SIGIRR: variants seen among roughly 807,000 people sequenced by gnomAD.
SIGIRR encodes single Ig IL-1-related receptor.
In SIGIRR, 41 loss-of-function variants were observed where a neutral mutation model predicts 45.6. The ratio of observed to expected loss-of-function variants is 0.90; its 90% CI spans 0.70 to 1.17. The LOEUF (loss-of-function observed/expected upper bound fraction) is 1.17. Among genes scored for constraint, SIGIRR ranks in the 50% most tolerant of loss-of-function variants. The pLI, the probability that SIGIRR is intolerant of heterozygous loss-of-function variation, is 0.00. For synonymous variants in SIGIRR, 298 were observed against 239.0 expected (o/e 1.25, Z -2.28); for missense variants, 599 against 539.6 (o/e 1.11, Z -1.09).
Position 409,862 on chromosome 11 carries a change from G to A in SIGIRR, c.7+6C>T, listed in dbSNP as rs1403022245. 2 of 1,332,194 alleles carry A rather than the reference G, an allele frequency of 1.5e-6. No homozygotes were observed. The highest frequency in any genetic ancestry group is 1.9e-6 in the Non-Finnish European group (2 of 1,035,188). The allele number at this position is 1,332,194 out of a possible 1,614,324, so 82.5% of individuals were successfully genotyped here. The stretch of plus-strand genomic sequence containing the variant: ...ATTCAAGCCCATCCCTCTCTGACCT[G>A]CCTACCTGGCATGGCTCTGAGCCGG... On this transcript the variant is annotated splice_donor_region_variant and intron_variant, in intron 2 of 9. Coordinates refer to ENST00000431843, the MANE Select transcript of SIGIRR (RefSeq NM_001135054.2).
chr11:412,941 G>T (rs1847739251), intron 1 of SIGIRR, among the ~76,000 whole-genome samples: 1 of 152,136 alleles, frequency 6.6e-6, no homozygotes, highest in East Asian at 1.9e-4. Flanking sequence ...CACACCTCAA[G>T]TCTCCCAAAG....
At position 408,768 on chromosome 11, in the gene SIGIRR, G is replaced by T; in HGVS notation, c.133C>A (p.Pro45Thr). 1 of 1,612,800 alleles carries T rather than the reference G, an allele frequency of 6.2e-7. No homozygotes were observed. The highest frequency in any genetic ancestry group is 8.5e-7 in the Non-Finnish European group (1 of 1,179,994). Residue 45 changes from proline (P) to threonine (T), a missense_variant, in exon 3 of 10, where the codon CCT (proline) becomes ACT (threonine). Pro to Thr is a conservative substitution (Grantham distance 38, BLOSUM62 -1). Coordinates refer to ENST00000431843, the MANE Select transcript of SIGIRR (RefSeq NM_001135054.2). ...WVVSGPHCSLPSVQWLKDGLP... is the reference protein window; with the variant it reads ...WVVSGPHCSLTSVQWLKDGLP... ...CCGTCTTTCAGCCACTGGACTGAAG[G>T]CAGGGAGCAGTGGGGCCCAGAGACT...
Position 407,118 on chromosome 11 carries a change from G to GTC in SIGIRR, c.671_672insGA (p.Ile225ThrfsTer10). The GTC allele has an allele frequency of 2.0e-6, 3 of 1,534,462 alleles. No homozygotes were observed. Among genetic ancestry groups the GTC allele is most frequent in the East Asian group, 2.6e-5 (1 of 38,858 alleles). ...GGAAGGCGTCCGAAAGCACCACGAT[G>GTC]AGGCGTCGGCAGCGGCTCAGGTTCA... On this transcript the variant is annotated frameshift_variant, in exon 7 of 10. Coordinates refer to ENST00000431843, the MANE Select transcript of SIGIRR (RefSeq NM_001135054.2). LOFTEE classifies it high-confidence loss of function.
At chr11:409,785 G>A in intron 2 of SIGIRR, 83 bp downstream of exon 2, 1 of 1,340,916 alleles carries the variant, frequency 7.5e-7, no homozygotes. Context: ...TGGGATAAGA[G>A]CAGGATGCAC....
chr11:411,113 G>T (rs1424712973), intron 1 of SIGIRR, among the ~76,000 whole-genome samples: 2 of 40,246 alleles, frequency 5.0e-5, no homozygotes, highest in Non-Finnish European at 9.4e-5. Context: ...CGGGCGGGGG[G>T]GGTGCTCAGC....
In SIGIRR at chr11:407,168, C is replaced by T; in HGVS notation, c.626-4G>A. 1 of 1,024,786 alleles carries T rather than the reference C, an allele frequency of 9.8e-7. No individual in the cohort carries two copies. 63.5% of individuals were successfully genotyped at this position (1,024,786 alleles called of 1,614,324 possible). On this transcript the variant is annotated splice_region_variant and splice_polypyrimidine_tract_variant and intron_variant, in intron 6 of 9. Coordinates refer to ENST00000431843, the MANE Select transcript of SIGIRR (RefSeq NM_001135054.2). Reference sequence around the variant, plus strand: ...ACCAAGAGGTCGGCGGAGGGCTCTGCGGGAGGGCGGGCGTCGGCGGCGCAG... The same window carrying T: ...ACCAAGAGGTCGGCGGAGGGCTCTGTGGGAGGGCGGGCGTCGGCGGCGCAG...
Position 405,716 on chromosome 11 carries a change from C to G in SIGIRR, c.*180G>C, listed in dbSNP as rs1847258081. 2.9e-6 allele frequency: 2 copies of G among 683,708 alleles called. No homozygotes were observed. The highest frequency in any genetic ancestry group is 4.7e-6 in the Non-Finnish European group (2 of 429,828). The allele number at this position is 683,708 out of a possible 1,614,324, so 42.4% of individuals were successfully genotyped here. ...GCAAGGGAGGAGACCGAGGCCCCAG[C>G]AGAATCCAAAAGGACTTTATTTTCT... On this transcript the variant is annotated 3_prime_UTR_variant, in exon 10 of 10. Coordinates refer to ENST00000431843, the MANE Select transcript of SIGIRR (RefSeq NM_001135054.2).
At chr11:415,971 G>C (rs1364825948), upstream of SIGIRR, among the ~76,000 whole-genome samples, 1 of 152,062 alleles carries the variant, frequency 6.6e-6, no homozygotes, top group African/African-American at 2.4e-5. The surrounding 1 kb of genome is among the most constrained non-coding windows in gnomAD (Gnocchi z 6.6). Context: ...TCAGCAGCAG[G>C]CTTTCTACAG....
intron 1 of SIGIRR, among the ~76,000 whole-genome samples, chr11:414,020 TC>T (rs1564895608): frequency 3.9e-4 from 10 of 25,606 alleles, no homozygotes; most frequent in East Asian, 1.0e-3. Context: ...CCCTGCACCC[TC>T]TCCCCTGCAC....
At chr11:413,823 C>T (rs1467140511) in intron 1 of SIGIRR, among the ~76,000 whole-genome samples, 1 of 125,720 alleles carries the variant, frequency 8.0e-6, no homozygotes, top group Non-Finnish European at 1.7e-5. Context: ...TTCCCCTGCC[C>T]ACCTTCCCCT....
At chr11:413,765 C>G (rs1847779938) in intron 1 of SIGIRR, among the ~76,000 whole-genome samples, 1 of 137,094 alleles carries the variant, frequency 7.3e-6, no homozygotes, top group African/African-American at 2.8e-5. Flanking sequence ...CCTTCCCCTG[C>G]ACCCTCTCCT....
chr11:407,171 G>A lies in SIGIRR; in HGVS notation c.626-7C>T, dbSNP rs749857996. ...AAGAGGTCGGCGGAGGGCTCTGCGG[G>A]AGGGCGGGCGTCGGCGGCGCAGGGG... On this transcript the variant is annotated splice_region_variant and splice_polypyrimidine_tract_variant and intron_variant, in intron 6 of 9. Coordinates refer to ENST00000431843, the MANE Select transcript of SIGIRR (RefSeq NM_001135054.2). The A allele has an allele frequency of 5.5e-6, 8 of 1,445,022 alleles. No individual in the cohort carries two copies. The highest frequency in any genetic ancestry group is 3.0e-5 in the African/African-American group (2 of 66,004). 89.5% of individuals were successfully genotyped at this position (1,445,022 alleles called of 1,614,324 possible).
chr11:413,695 G>T (rs1455956825), intron 1 of SIGIRR, among the ~76,000 whole-genome samples: 1 of 92,270 alleles, frequency 1.1e-5, no homozygotes, highest in Non-Finnish European at 2.2e-5. Context: ...CCCTCTCCCT[G>T]CAAACCCTCC....
chr11:408,591 A>C, intron 3 of SIGIRR, 104 bp downstream of exon 3: 1 of 1,343,538 alleles, frequency 7.4e-7, no homozygotes, highest in South Asian at 1.2e-5. Context: ...TCTGCTCGTG[A>C]CATGTCTGGC....
At position 406,461 on chromosome 11, in the gene SIGIRR, G is replaced by T. The variant is rs1024599746; in HGVS notation, c.957C>A (p.Asp319Glu). Residue 319 changes from aspartate (D) to glutamate (E), a missense_variant, in exon 9 of 10, where the codon GAC (aspartate) becomes GAA (glutamate). Transcript: ENST00000431843. ...RKVQYRPVEG[D>E]PQTQLQDDKD... ...TGTCGTCCTGCAGCTGCGTCTGGGG[G>T]TCTCCTTCCACAGGCCTGTACTGCA... 1.9e-6 allele frequency: 3 copies of T among 1,612,522 alleles called. No individual in the cohort carries two copies. Among genetic ancestry groups the T allele is most frequent in the Non-Finnish European group, 1.7e-6 (2 of 1,179,852 alleles).
intron 1 of SIGIRR, among the ~76,000 whole-genome samples, chr11:413,151 C>A (rs1847747915): frequency 6.6e-6 from 1 of 152,162 alleles, no homozygotes; most frequent in Admixed American, 6.5e-5. Context: ...CACCCCAGCT[C>A]CCTCAGGATT....
chr11:407,063 G>T lies in SIGIRR; in HGVS notation c.727C>A (p.Arg243=). 6.3e-7 allele frequency: 1 copy of T among 1,577,958 alleles called. No individual in the cohort carries two copies. The highest frequency in any genetic ancestry group is 1.4e-5 in the African/African-American group (1 of 72,856). ...LSRAWCSHSF[R]EGLCRLLELT... ...CACCCAACCCCGCGCGGGACCCACC[G>T]GAAGCTGTGGCTGCACCAGGCCCGG... Residue 243 remains arginine, a splice_region_variant and synonymous_variant, in exon 7 of 10, where the codon CGG becomes AGG. Transcript: ENST00000431843.
upstream of SIGIRR, among the ~76,000 whole-genome samples, chr11:415,207 CGTGTGTGTGTGT>C (rs71022908): frequency 0.099 from 14,283 of 144,412 alleles, 911 homozygotes; most frequent in African/African-American, 0.17. The surrounding 1 kb of genome is among the most constrained non-coding windows in gnomAD (Gnocchi z 6.6). Flanking sequence ...CTCTGTGCAG[CGTGTGTGTGTGT>C]GTGTGTGTGT....
chr11:407,899 C>T lies in SIGIRR; in HGVS notation c.399G>A (p.Leu133=), dbSNP rs1368313714. Residue 133 remains leucine, a synonymous_variant, in exon 5 of 10, where the codon CTG becomes CTA. Transcript: ENST00000431843. ...LASLLVLLAL[L]LAALLYVKCR... The stretch of plus-strand genomic sequence containing the variant: ...ACTTGACATAGAGCAGGGCGGCCAG[C>T]AGCAGGGCCAGCAGGACCAGGAGGG... The T allele has an allele frequency of 2.0e-5, 33 of 1,612,174 alleles. No homozygotes were observed. The highest frequency in any genetic ancestry group is 2.7e-5 in the Non-Finnish European group (32 of 1,179,722).
Sources: gnomAD v4.1 joint callset for allele counts (sites outside exome capture counted in the v4.1 genomes callset) on GRCh38, gnomAD v4.1.1 for gene constraint, Gnocchi (gnomAD v3.1) non-coding constraint, MANE v1.5 for transcripts, NCBI Gene and HGNC (gene_info 2026-07-23, HGNC 2026-07-21) for gene names.